EVC2: variants seen among roughly 807,000 people sequenced by gnomAD.
The protein encoded by EVC2 is EvC ciliary complex subunit 2.
A neutral mutation model predicts 149.3 loss-of-function variants in EVC2; 148 were observed. The observed-to-expected ratio is 0.99, with a 90% confidence interval of 0.87 to 1.14. The LOEUF (loss-of-function observed/expected upper bound fraction) is 1.14. Among genes scored for constraint, EVC2 ranks in the 50% most tolerant of loss-of-function variants. The probability of loss-of-function intolerance (pLI) is 0.00; values close to 1 mark genes in which losing one functional copy is unlikely to be tolerated. For missense variants in EVC2, 1,854 were observed against 1,627.3 expected, an observed-to-expected ratio of 1.14 and a Z score of -2.40; for synonymous variants, 776 against 649.9, an observed-to-expected ratio of 1.19 and a Z score of -2.95.
chr4:5,577,829 A>C (rs1723025820), intron 17 of EVC2, among the ~76,000 whole-genome samples: 2 of 152,136 alleles, frequency 1.3e-5, no homozygotes, highest in South Asian at 2.1e-4. Context: ...TCCCACAAGG[A>C]AACACAGCCC....
rs145758016 is a variant in EVC2 at position 5,689,333 on chromosome 4, G to A, written c.530C>T (p.Ser177Leu). 62 of 1,614,050 alleles carry A rather than the reference G, an allele frequency of 3.8e-5. No individual in the cohort carries two copies. In the Middle Eastern group the frequency reaches 5.0e-4, roughly 13 times the overall value. Residue 177 changes from serine (S) to leucine (L), a missense_variant, in exon 5 of 22, where the codon TCG (serine) becomes TTG (leucine). Physicochemically the swap from Ser to Leu is moderately radical, Grantham distance 145. Transcript: ENST00000344408. ...IFQKCALVSG[S>L]SEAQTARIWL... Reference sequence around the variant, plus strand: ...TATGCGGGCTGTCTGTGCTTCACTCGACCCAGACACCTAGGGCAGAAGGAG... The same window carrying A: ...TATGCGGGCTGTCTGTGCTTCACTCAACCCAGACACCTAGGGCAGAAGGAG...
intron 16 of EVC2, among the ~76,000 whole-genome samples, chr4:5,611,686 A>G (rs929067915): frequency 1.1e-4 from 17 of 152,314 alleles, no homozygotes; most frequent in Non-Finnish European, 2.5e-4. Context: ...CAGGGCAAAA[A>G]CAAAGAGAAA....
chr4:5,611,417 T>A (rs1197286752), intron 16 of EVC2, among the ~76,000 whole-genome samples: 1 of 152,178 alleles, frequency 6.6e-6, no homozygotes, highest in African/African-American at 2.4e-5. Flanking sequence ...TGTGTCATAT[T>A]AGTACAGTGT....
chr4:5,659,185 G>A (rs974330867), intron 9 of EVC2, among the ~76,000 whole-genome samples: 3 of 152,086 alleles, frequency 2.0e-5, no homozygotes, highest in African/African-American at 7.2e-5. Context: ...ATCAAGTCAC[G>A]TAATGGCATA....
At chr4:5,703,597 C>A (rs1303454813) in intron 1 of EVC2, among the ~76,000 whole-genome samples, 1 of 152,180 alleles carries the variant, frequency 6.6e-6, no homozygotes, top group Non-Finnish European at 1.5e-5. Flanking sequence ...TTCCTGCCAA[C>A]CTCAGTTACT....
chr4:5,641,660 ATTAAT>A (rs1334204808), intron 9 of EVC2, among the ~76,000 whole-genome samples: 1 of 152,244 alleles, frequency 6.6e-6, no homozygotes, highest in Non-Finnish European at 1.5e-5. Flanking sequence ...ATAGAAAAAA[ATTAAT>A]TTATGTTATG....
At chr4:5,703,216 T>C (rs1721937732) in intron 1 of EVC2, among the ~76,000 whole-genome samples, 1 of 152,252 alleles carries the variant, frequency 6.6e-6, no homozygotes, top group African/African-American at 2.4e-5. Flanking sequence ...AACCTATTGA[T>C]GTTCCGTGAG....
intron 21 of EVC2, among the ~76,000 whole-genome samples, chr4:5,547,826 T>TGAAGA (rs924201087): frequency 6.6e-6 from 1 of 152,174 alleles, no homozygotes; most frequent in African/African-American, 2.4e-5. Context: ...ATGTTGTGGT[T>TGAAGA]GAAGAGAAGA....
At chr4:5,661,348 A>G (rs1156499403) in intron 9 of EVC2, among the ~76,000 whole-genome samples, 3 of 152,238 alleles carry the variant, frequency 2.0e-5, no homozygotes, top group Non-Finnish European at 4.4e-5. Context: ...AATATAATCC[A>G]TAATTATGTT....
At chr4:5,592,853 G>C (rs35659110) in intron 16 of EVC2, among the ~76,000 whole-genome samples, 9 of 152,168 alleles carry the variant, frequency 5.9e-5, no homozygotes, top group African/African-American at 1.9e-4. Context: ...AAACACGGGA[G>C]AAGGGATGTG....
At chr4:5,685,313 C>G (rs1324386052) in intron 6 of EVC2, 57 bp downstream of exon 6, 9 of 1,544,242 alleles carry the variant, frequency 5.8e-6, no homozygotes, top group Non-Finnish European at 8.1e-6. Flanking sequence ...GTCCCTATTT[C>G]TAAAACAACC....
At chr4:5,687,964 C>G (rs1487028052) in intron 5 of EVC2, among the ~76,000 whole-genome samples, 1 of 152,180 alleles carries the variant, frequency 6.6e-6, no homozygotes. Flanking sequence ...TTCTCAGTCA[C>G]AAGGCTGGGA....
intron 3 of EVC2, 49 bp downstream of exon 3, chr4:5,694,286 T>C: frequency 6.2e-7 from 1 of 1,604,074 alleles, no homozygotes; most frequent in South Asian, 1.1e-5. Context: ...ATAATTGGTT[T>C]ATTTCCAACT....
chr4:5,635,029 CTTTTTTTTT>C (rs34769603), intron 10 of EVC2, among the ~76,000 whole-genome samples: 1 of 71,442 alleles, frequency 1.4e-5, no homozygotes, highest in African/African-American at 6.0e-5. Context: ...AACAAATGTG[CTTTTTTTTT>C]TTTTTTTTTT....
chr4:5,622,551 C>T lies in EVC2; in HGVS notation c.2487G>A (p.Glu829=), dbSNP rs16837501. Residue 829 remains glutamate (E), a synonymous_variant, in exon 14 of 22, where the codon GAG becomes GAA. Coordinates refer to ENST00000344408, the MANE Select transcript of EVC2 (RefSeq NM_147127.5). This position sits in a 1 kb window ranked among gnomAD's most constrained non-coding sequence, Gnocchi z 5.8. The part of the protein sequence containing the change: ...TEEQAELRRW[E]HLIFMKLCSS... ...AAGGCACTCACATGAAGATCAGGTG[C>T]TCCCAGCGTCGCAGCTCTGCCTGCT... 1.6e-3 allele frequency: 2,575 copies of T among 1,613,874 alleles called. 42 individuals carry two copies. The East Asian group carries it at 0.032, about 20-fold the overall frequency.
At chr4:5,631,572 G>GGC (rs534756261) in intron 11 of EVC2, among the ~76,000 whole-genome samples, 6 of 151,672 alleles carry the variant, frequency 4.0e-5, no homozygotes, top group Admixed American at 2.6e-4. Flanking sequence ...TAGACTGGGG[G>GGC]GGGGAACTGA....
intron 5 of EVC2, among the ~76,000 whole-genome samples, chr4:5,687,269 AAAG>A (rs1485094501): frequency 6.6e-6 from 1 of 152,134 alleles, no homozygotes; most frequent in Non-Finnish European, 1.5e-5. Context: ...AAAAAAAAGA[AAAG>A]AAAAGAAAAG....
intron 9 of EVC2, among the ~76,000 whole-genome samples, chr4:5,644,211 G>T (rs2108869017): frequency 6.6e-6 from 1 of 152,286 alleles, no homozygotes; most frequent in East Asian, 1.9e-4. Context: ...TAAACTAACA[G>T]ATCTAAGATC....
At chr4:5,684,981 C>G (rs551438375) in intron 6 of EVC2, among the ~76,000 whole-genome samples, 2 of 152,272 alleles carry the variant, frequency 1.3e-5, no homozygotes, top group South Asian at 4.1e-4. Flanking sequence ...GCCTCCTGGA[C>G]AATACATTTC....
Sources: allele counts gnomAD v4.1 joint callset (sites outside exome capture counted in the v4.1 genomes callset), GRCh38; gene constraint gnomAD v4.1.1; non-coding constraint Gnocchi (gnomAD v3.1); transcripts MANE v1.5; gene names NCBI Gene and HGNC (gene_info 2026-07-23, HGNC 2026-07-21).